The following FBXL17 variants were observed in gnomAD, a reference collection of about 807,000 sequenced individuals.
FBXL17 encodes the protein F-box and leucine rich repeat protein 17, also known as F-box/LRR-repeat protein 17.
FBXL17 carries 22 observed loss-of-function variants against 66.2 expected under a neutral mutation model. The ratio of observed to expected loss-of-function variants is 0.33; its 90% CI spans 0.24 to 0.47. The LOEUF is 0.47. Among genes scored for constraint, FBXL17 ranks in the 20% least tolerant of loss-of-function variants. FBXL17 has a pLI of 1.00. For synonymous variants in FBXL17, 474 were observed against 400.5 expected, an observed-to-expected ratio of 1.18 and a Z score of -2.19; for missense variants, 878 against 948.2, an observed-to-expected ratio of 0.93 and a Z score of 0.97.
chr5:108,381,495 T>C lies in FBXL17; in HGVS notation c.197A>G (p.His66Arg). 1.4e-6 allele frequency: 2 copies of C among 1,387,358 alleles called. No individual in the cohort carries two copies. The highest frequency in any genetic ancestry group is 3.7e-5 in the Admixed American group (1 of 26,732). 85.9% of individuals were successfully genotyped at this position (1,387,358 alleles called of 1,614,324 possible). The change falls in exon 1 of 9, where the codon CAC (histidine) becomes CGC (arginine). Residue 66 changes from histidine to arginine, a missense_variant. Physicochemically the swap from His to Arg is conservative, Grantham distance 29. This residue lies in a region of FBXL17 where 605 missense variants were observed against 509.5 expected (regional missense o/e 1.19). Transcript: ENST00000542267. ...GGCGGGGGCGGGCGCGCCGGGACTG[T>C]GCACGATGAAGCAGAGCATGCAGGG... is the stretch of plus-strand genomic sequence containing the variant. ...RGPCMLCFIV[H>R]SPGAPAPAGP...
chr5:108,240,117 G>A (rs1293899818), intron 4 of FBXL17, among the ~76,000 whole-genome samples: 2 of 152,068 alleles, frequency 1.3e-5, no homozygotes, highest in African/African-American at 4.8e-5. Context: ...CTTCACGTGT[G>A]TCTCAGAGCA....
intron 4 of FBXL17, among the ~76,000 whole-genome samples, chr5:108,266,382 T>C (rs559700270): frequency 6.6e-5 from 10 of 152,274 alleles, no homozygotes; most frequent in African/African-American, 2.2e-4. Flanking sequence ...TCTTGTGCCA[T>C]CCTGCTCTAT....
intron 3 of FBXL17, among the ~76,000 whole-genome samples, chr5:108,356,830 T>C (rs999795616): frequency 6.6e-6 from 1 of 151,936 alleles, no homozygotes; most frequent in Non-Finnish European, 1.5e-5. Context: ...GCTTTGGAAA[T>C]AAAGATATAT....
chr5:107,964,581 C>T (rs541405418), intron 7 of FBXL17, among the ~76,000 whole-genome samples: 13 of 152,186 alleles, frequency 8.5e-5, no homozygotes, highest in African/African-American at 3.1e-4. Context: ...TGATAGTCCC[C>T]ATTAAATTTT....
intron 4 of FBXL17, among the ~76,000 whole-genome samples, chr5:108,326,443 T>A (rs927187378): frequency 2.7e-5 from 4 of 146,882 alleles, no homozygotes; most frequent in East Asian, 2.0e-4. Flanking sequence ...AAATAAAAAT[T>A]AAAAAAAAAA....
At chr5:107,977,656 G>T (rs578139987) in intron 7 of FBXL17, among the ~76,000 whole-genome samples, 2 of 152,256 alleles carry the variant, frequency 1.3e-5, no homozygotes, top group Admixed American at 1.3e-4. Flanking sequence ...ACTTTCAATG[G>T]ATTGGCTCCA....
chr5:107,897,455 C>T (rs747117326), intron 7 of FBXL17, among the ~76,000 whole-genome samples: 3 of 149,650 alleles, frequency 2.0e-5, no homozygotes, highest in African/African-American at 5.1e-5. Flanking sequence ...TAATGACAAC[C>T]CTTTTTCTGG....
chr5:107,871,559 C>CA, intron 8 of FBXL17, among the ~76,000 whole-genome samples: 1 of 152,152 alleles, frequency 6.6e-6, no homozygotes, highest in East Asian at 1.9e-4. Context: ...TCCAGGTACA[C>CA]AACCATGTGT....
At chr5:107,926,198 T>C (rs1750519352) in intron 7 of FBXL17, among the ~76,000 whole-genome samples, 2 of 152,136 alleles carry the variant, frequency 1.3e-5, no homozygotes, top group South Asian at 4.1e-4. Flanking sequence ...TTACAGATGA[T>C]GTAATAGTGA....
chr5:107,907,366 C>CA (rs1349575795), intron 7 of FBXL17, among the ~76,000 whole-genome samples: 1 of 152,176 alleles, frequency 6.6e-6, no homozygotes, highest in Admixed American at 6.6e-5. Context: ...TCAGCAGCCA[C>CA]AAACACATAC....
intron 6 of FBXL17, among the ~76,000 whole-genome samples, chr5:108,101,180 CT>C (rs943192509): frequency 2.0e-5 from 3 of 152,344 alleles, no homozygotes; most frequent in African/African-American, 7.2e-5. Context: ...TGAAGAACCT[CT>C]TCAGAGCTTT....
At chr5:108,212,381 G>T (rs1754413106) in intron 5 of FBXL17, among the ~76,000 whole-genome samples, 1 of 152,154 alleles carries the variant, frequency 6.6e-6, no homozygotes, top group Non-Finnish European at 1.5e-5. Flanking sequence ...TTGCTGGCGA[G>T]GAGTTGTGAT....
intron 5 of FBXL17, among the ~76,000 whole-genome samples, chr5:108,201,044 ACT>A (rs1338758029): frequency 1.3e-5 from 2 of 152,116 alleles, no homozygotes; most frequent in African/African-American, 4.8e-5. Flanking sequence ...ATTTTACAAC[ACT>A]CTACTGTCTC....
In FBXL17 at chr5:108,381,936, T is replaced by G. The variant is rs374988658; in HGVS notation, c.-245A>C. On this transcript the variant is annotated 5_prime_UTR_variant, in exon 1 of 9. Transcript: ENST00000542267. ...AGCCGGGAGAACGATGGGCGCGAGC[T>G]TTGGGGACGCGAGGGAGGGAGCGAG... is the stretch of plus-strand genomic sequence containing the variant. The G allele has an allele frequency of 1.3e-4, 158 of 1,248,212 alleles. No homozygotes were observed. The East Asian group carries it at 4.9e-3, about 39-fold the overall frequency. 77.3% of individuals were successfully genotyped at this position (1,248,212 alleles called of 1,614,324 possible).
Position 108,106,367 on chromosome 5 carries a change from T to C in FBXL17, c.1745+79750A>G, listed in dbSNP as rs111687876. Among the ~76,000 whole-genome samples the C allele has an allele frequency of 6.5e-3, 983 of 152,340 alleles. 6 individuals are homozygous for C. Among genetic ancestry groups the C allele is most frequent in the African/African-American group, 0.023 (945 of 41,574 alleles). On this transcript the variant is annotated intron_variant, in intron 6 of 8. Coordinates refer to ENST00000542267, the MANE Select transcript of FBXL17 (RefSeq NM_001163315.3). ...AAGGAAGTCTGGGAGTTCCTCAGAATATTAAATGTAAAGTTGCCATACGTC... is the reference window on the plus strand; with the variant it reads ...AAGGAAGTCTGGGAGTTCCTCAGAACATTAAATGTAAAGTTGCCATACGTC...
chr5:108,105,744 T>C (rs1365390477), intron 6 of FBXL17, among the ~76,000 whole-genome samples: 1 of 145,454 alleles, frequency 6.9e-6, no homozygotes, highest in Non-Finnish European at 1.5e-5. Flanking sequence ...TTTCTGCTGA[T>C]ACAACTAACT....
chr5:108,376,550 G>A (rs973144877), intron 1 of FBXL17, among the ~76,000 whole-genome samples: 1 of 151,866 alleles, frequency 6.6e-6, no homozygotes, highest in Non-Finnish European at 1.5e-5. Flanking sequence ...CAATTTGTTG[G>A]GTCAATGTCA....
chr5:108,273,200 G>C (rs1757346499), intron 4 of FBXL17, among the ~76,000 whole-genome samples: 1 of 152,102 alleles, frequency 6.6e-6, no homozygotes, highest in African/African-American at 2.4e-5. Context: ...AGGACCATAG[G>C]ACCGAGGCGG....
At chr5:108,185,386 C>G (rs77008477) in intron 6 of FBXL17, among the ~76,000 whole-genome samples, 69 of 152,218 alleles carry the variant, frequency 4.5e-4, no homozygotes, top group African/African-American at 1.6e-3. Context: ...ATGTGTAGTA[C>G]CTCCCACTTC....
Sources: gnomAD v4.1 joint callset for allele counts (sites outside exome capture counted in the v4.1 genomes callset) on GRCh38, gnomAD v4.1.1 for gene constraint, gnomAD v4.1.1 regional missense constraint, MANE v1.5 for transcripts, NCBI Gene and HGNC (gene_info 2026-07-23, HGNC 2026-07-21) for gene names.